CACNG3: variants seen among roughly 807,000 people sequenced by gnomAD.
CACNG3 encodes the protein voltage-dependent calcium channel gamma-3 subunit.
CACNG3 carries 3 observed loss-of-function variants against 28.5 expected under a neutral mutation model. That is an observed-to-expected ratio of 0.11 (90% CI 0.05 to 0.27). The LOEUF is 0.27. Among genes scored for constraint, CACNG3 ranks in the 10% least tolerant of loss-of-function variants. CACNG3 has a pLI of 1.00. For missense variants in CACNG3, 236 were observed against 414.4 expected (o/e 0.57, Z 3.74); for synonymous variants, 174 against 162.2 (o/e 1.07, Z -0.55).
intron 1 of CACNG3, among the ~76,000 whole-genome samples, chr16:24,261,861 T>C (rs982758547): frequency 2.4e-4 from 36 of 152,196 alleles, no homozygotes; most frequent in African/African-American, 8.7e-4. Context: ...TGGTTGACTT[T>C]TTCAGCCAGA....
intron 1 of CACNG3, among the ~76,000 whole-genome samples, chr16:24,339,543 G>C (rs982841326): frequency 6.6e-6 from 1 of 151,884 alleles, no homozygotes. Context: ...CCGCCACCAC[G>C]CCCAGCTAAT....
chr16:24,310,619 C>T (rs750898176), intron 1 of CACNG3, among the ~76,000 whole-genome samples: 2 of 152,238 alleles, frequency 1.3e-5, no homozygotes, highest in Non-Finnish European at 2.9e-5. Flanking sequence ...TGGCACTGTT[C>T]TAATCATTTA....
At chr16:24,265,235 G>A (rs905013328) in intron 1 of CACNG3, among the ~76,000 whole-genome samples, 1 of 150,620 alleles carries the variant, frequency 6.6e-6, no homozygotes, top group East Asian at 1.9e-4. Context: ...GAGTGAGACT[G>A]TGTGAAAGAA....
chr16:24,346,573 G>A (rs1899870396), intron 1 of CACNG3, among the ~76,000 whole-genome samples, 161 bp from the exon 2 acceptor site: 1 of 152,070 alleles, frequency 6.6e-6, no homozygotes, highest in African/African-American at 2.4e-5. Flanking sequence ...ATGAGACCCT[G>A]TCTCTAATAA....
chr16:24,328,492 A>G (rs1028280460), intron 1 of CACNG3, among the ~76,000 whole-genome samples: 1 of 151,436 alleles, frequency 6.6e-6, no homozygotes, highest in Non-Finnish European at 1.5e-5. Flanking sequence ...TCTGATGTTC[A>G]GGGCACAGTT....
At chr16:24,261,159 A>G (rs1400921834) in intron 1 of CACNG3, among the ~76,000 whole-genome samples, 2 of 152,224 alleles carry the variant, frequency 1.3e-5, no homozygotes, top group Admixed American at 6.5e-5. Context: ...ATGTTTGTGT[A>G]GATGAGGCAG....
chr16:24,321,038 C>T (rs533790109), intron 1 of CACNG3, among the ~76,000 whole-genome samples: 1 of 152,116 alleles, frequency 6.6e-6, no homozygotes, highest in Non-Finnish European at 1.5e-5. Flanking sequence ...TGGCCTAATT[C>T]ATAAGTTTTA....
intron 2 of CACNG3, among the ~76,000 whole-genome samples, chr16:24,349,607 C>CTG (rs1899914397): frequency 6.6e-6 from 1 of 152,186 alleles, no homozygotes; most frequent in Non-Finnish European, 1.5e-5. Flanking sequence ...TGTCACGGCG[C>CTG]TGGCGAGAGT....
At chr16:24,327,126 CAAAAAAAAAAAAAAAAA>C (rs57918697) in intron 1 of CACNG3, among the ~76,000 whole-genome samples, 1 of 35,818 alleles carries the variant, frequency 2.8e-5, no homozygotes, top group Non-Finnish European at 4.4e-5. Flanking sequence ...GGCTCCAAAC[CAAAAAAAAAAAAAAAAA>C]AAAAAAAAAA....
At position 24,309,082 on chromosome 16, in the gene CACNG3, T is replaced by C. The variant is rs112005164; in HGVS notation, c.212-37652T>C. Among the ~76,000 whole-genome samples the C allele has an allele frequency of 1.1e-3, 172 of 152,236 alleles. 1 individual carries two copies. Among genetic ancestry groups the C allele is most frequent in the African/African-American group, 3.9e-3 (162 of 41,568 alleles). On this transcript the variant is annotated intron_variant, in intron 1 of 3. Transcript: ENST00000005284. Reference sequence around the variant, plus strand: ...AATCTGCCTAAGGTTACACAGCTAATAAAGCAGTGGCGGCTGGCTCTGAGT... The same window carrying C: ...AATCTGCCTAAGGTTACACAGCTAACAAAGCAGTGGCGGCTGGCTCTGAGT...
chr16:24,258,278 TC>T (rs1241308760), intron 1 of CACNG3, among the ~76,000 whole-genome samples: 4 of 152,228 alleles, frequency 2.6e-5, no homozygotes, highest in Admixed American at 2.6e-4. Flanking sequence ...ACAACTGCTC[TC>T]CTGACCGTAG....
intron 3 of CACNG3, among the ~76,000 whole-genome samples, chr16:24,360,888 TCTC>T (rs1168936448): frequency 1.3e-5 from 2 of 152,156 alleles, no homozygotes; most frequent in African/African-American, 4.8e-5. Context: ...TCTCTCTCCT[TCTC>T]CTCCTGAACC....
At chr16:24,354,366 C>CT (rs1302781010) in intron 2 of CACNG3, among the ~76,000 whole-genome samples, 1 of 152,172 alleles carries the variant, frequency 6.6e-6, no homozygotes, top group Non-Finnish European at 1.5e-5. Context: ...GCACCCAACT[C>CT]TGACTCTCCT....
intron 1 of CACNG3, among the ~76,000 whole-genome samples, chr16:24,332,243 A>G (rs1899640824): frequency 6.6e-6 from 1 of 152,180 alleles, no homozygotes; most frequent in South Asian, 2.1e-4. Context: ...TGGCAGACCA[A>G]TTGAGGCCAG....
intron 1 of CACNG3, among the ~76,000 whole-genome samples, chr16:24,301,634 T>A (rs1198284365): frequency 6.6e-6 from 1 of 152,166 alleles, no homozygotes; most frequent in African/African-American, 2.4e-5. Flanking sequence ...CTCTCCCTCC[T>A]GGGGCTATGG....
chr16:24,346,346 G>A (rs1265015026), intron 1 of CACNG3, among the ~76,000 whole-genome samples: 4 of 152,134 alleles, frequency 2.6e-5, no homozygotes, highest in African/African-American at 4.8e-5. Context: ...CTGAGGAAGG[G>A]AGGATCGCTT....
chr16:24,321,445 A>T (rs1471710503), intron 1 of CACNG3, among the ~76,000 whole-genome samples: 2 of 152,218 alleles, frequency 1.3e-5, no homozygotes, highest in South Asian at 4.2e-4. Context: ...TGGCTCAAAA[A>T]TAAATAAATA....
intron 1 of CACNG3, among the ~76,000 whole-genome samples, chr16:24,312,935 G>GA (rs1899286959): frequency 1.2e-5 from 1 of 85,330 alleles, no homozygotes; most frequent in African/African-American, 4.6e-5. Context: ...AAGAAAGAAA[G>GA]AAAGAAAGAA....
chr16:24,280,773 G>C (rs1014816338), intron 1 of CACNG3, among the ~76,000 whole-genome samples: 2 of 122,136 alleles, frequency 1.6e-5, no homozygotes, highest in African/African-American at 6.3e-5. Flanking sequence ...CCGAGATCAA[G>C]ATTGCACCAC....
Sources: allele counts gnomAD v4.1 joint callset (sites outside exome capture counted in the v4.1 genomes callset), GRCh38; gene constraint gnomAD v4.1.1; transcripts MANE v1.5; gene names NCBI Gene and HGNC (gene_info 2026-07-23, HGNC 2026-07-21).